Variants in DCC observed in about 807,000 individuals in gnomAD.
DCC encodes netrin receptor DCC.
In DCC, 58 loss-of-function variants were observed where a neutral mutation model predicts 172.5. The ratio of observed to expected loss-of-function variants is 0.34; its 90% CI spans 0.27 to 0.42. The LOEUF (loss-of-function observed/expected upper bound fraction) is 0.42. DCC is among the 10% of genes least tolerant of loss of function. The pLI is 1.00. For missense variants in DCC, 1,740 were observed against 1,791.0 expected (o/e 0.97, Z 0.51); for synonymous variants, 709 against 644.5 (o/e 1.10, Z -1.52).
intron 5 of DCC, among the ~76,000 whole-genome samples, chr18:52,959,537 G>A (rs1461240664): frequency 6.8e-6 from 1 of 148,066 alleles, no homozygotes; most frequent in Non-Finnish European, 1.5e-5. Flanking sequence ...CAGATAGTGT[G>A]ACGGGTTTGC....
At chr18:52,715,219 A>G (rs928131595) in intron 1 of DCC, among the ~76,000 whole-genome samples, 1 of 151,476 alleles carries the variant, frequency 6.6e-6, no homozygotes. Flanking sequence ...ATGTATATAT[A>G]AAATATATAT....
intron 1 of DCC, chr18:52,419,586 A>G (rs974941172): frequency 7.2e-5 from 11 of 152,180 alleles, no homozygotes; most frequent in African/African-American, 2.2e-4. Context: ...GACATTTCCT[A>G]GGAATTCAAC....
intron 1 of DCC, among the ~76,000 whole-genome samples, chr18:52,628,261 C>T (rs1188968078): frequency 2.0e-5 from 3 of 152,218 alleles, no homozygotes; most frequent in Admixed American, 2.0e-4. Context: ...ATTTATCATA[C>T]TTGGAAACAT....
chr18:52,370,034 A>G (rs1985048550), intron 1 of DCC, among the ~76,000 whole-genome samples: 1 of 152,174 alleles, frequency 6.6e-6, no homozygotes, highest in Non-Finnish European at 1.5e-5. Flanking sequence ...ACAGTAATTA[A>G]TTTACACTCC....
At chr18:52,618,303 T>TA (rs994787139) in intron 1 of DCC, among the ~76,000 whole-genome samples, 1 of 151,916 alleles carries the variant, frequency 6.6e-6, no homozygotes, top group Admixed American at 6.6e-5. Flanking sequence ...AATTTGTTTT[T>TA]AAAAAAAACA....
At chr18:52,939,846 G>C (rs2040433876) in intron 5 of DCC, among the ~76,000 whole-genome samples, 1 of 152,074 alleles carries the variant, frequency 6.6e-6, no homozygotes, top group Non-Finnish European at 1.5e-5. Flanking sequence ...AAGAATACCA[G>C]GATAACCCAA....
chr18:52,894,962 G>A (rs2145427784), intron 2 of DCC, among the ~76,000 whole-genome samples: 1 of 152,274 alleles, frequency 6.6e-6, no homozygotes, highest in South Asian at 2.1e-4. Context: ...GCCCAGTCAA[G>A]GTGACACGTA....
At chr18:52,522,752 T>C (rs1388126669) in intron 1 of DCC, among the ~76,000 whole-genome samples, 1 of 152,192 alleles carries the variant, frequency 6.6e-6, no homozygotes, top group Non-Finnish European at 1.5e-5. Context: ...TAAGTATGTT[T>C]GTATATTTAT....
At chr18:53,206,416 CAT>C (rs1218378206) in intron 10 of DCC, among the ~76,000 whole-genome samples, 1 of 61,522 alleles carries the variant, frequency 1.6e-5, no homozygotes, top group Non-Finnish European at 2.8e-5. Context: ...TATTGTAACA[CAT>C]ATATGTATAT....
intron 5 of DCC, among the ~76,000 whole-genome samples, chr18:52,969,496 C>T (rs1381550529): frequency 6.6e-6 from 1 of 151,756 alleles, no homozygotes; most frequent in East Asian, 1.9e-4. Flanking sequence ...TTACAAAATG[C>T]TATAAATTCC....
chr18:52,372,108 T>C (rs1457164446), intron 1 of DCC, among the ~76,000 whole-genome samples: 1 of 152,218 alleles, frequency 6.6e-6, no homozygotes, highest in Non-Finnish European at 1.5e-5. Flanking sequence ...CCAGTGAGTA[T>C]TGGGGTGAAC....
At chr18:53,469,140 C>T (rs904090887) in intron 25 of DCC, among the ~76,000 whole-genome samples, 3 of 152,154 alleles carry the variant, frequency 2.0e-5, no homozygotes, top group Non-Finnish European at 4.4e-5. Flanking sequence ...TCATCCCCTT[C>T]GTGTCCTCAT....
chr18:53,275,736 G>T (rs963599213), intron 12 of DCC, among the ~76,000 whole-genome samples: 1 of 152,070 alleles, frequency 6.6e-6, no homozygotes, highest in Non-Finnish European at 1.5e-5. Flanking sequence ...ATTCAGGTAG[G>T]TCTGGTTTTT....
At chr18:52,387,926 C>T (rs1027125402) in intron 1 of DCC, among the ~76,000 whole-genome samples, 4 of 151,976 alleles carry the variant, frequency 2.6e-5, no homozygotes, top group African/African-American at 9.7e-5. Flanking sequence ...TTCCTTTGCT[C>T]GCCACCACCA....
chr18:52,694,005 C>A (rs1008157213), intron 1 of DCC, among the ~76,000 whole-genome samples: 6 of 151,968 alleles, frequency 3.9e-5, no homozygotes, highest in African/African-American at 1.4e-4. Flanking sequence ...GGGGATAAAA[C>A]AGTAACAGAA....
At chr18:52,385,074 G>A (rs371428345) in intron 1 of DCC, among the ~76,000 whole-genome samples, 1 of 152,168 alleles carries the variant, frequency 6.6e-6, no homozygotes, top group East Asian at 1.9e-4. Flanking sequence ...GCCTTCTAGG[G>A]TGATAAAAAG....
At chr18:52,492,949 A>G (rs903193517) in intron 1 of DCC, among the ~76,000 whole-genome samples, 2 of 152,096 alleles carry the variant, frequency 1.3e-5, no homozygotes, top group African/African-American at 4.8e-5. Context: ...GTGAAGGGGC[A>G]TGTTGAGATA....
chr18:53,280,314 A>C (rs1042406540), intron 12 of DCC, among the ~76,000 whole-genome samples: 4 of 152,066 alleles, frequency 2.6e-5, no homozygotes, highest in African/African-American at 9.7e-5. Context: ...ACCTAGTCTC[A>C]TTTCTGTTTA....
At chr18:52,434,873 C>A (rs902983740) in intron 1 of DCC, among the ~76,000 whole-genome samples, 6 of 152,176 alleles carry the variant, frequency 3.9e-5, no homozygotes, top group East Asian at 1.9e-4. Flanking sequence ...ATTGTCTGTA[C>A]CCCCAGACCA....
Sources: gnomAD v4.1 joint callset for allele counts (sites outside exome capture counted in the v4.1 genomes callset) on GRCh38, gnomAD v4.1.1 for gene constraint, MANE v1.5 for transcripts, NCBI Gene and HGNC (gene_info 2026-07-23, HGNC 2026-07-21) for gene names.